RUNX1: variants seen among roughly 807,000 people sequenced by gnomAD.
The protein encoded by RUNX1 is RUNX family transcription factor 1, also known as runt-related transcription factor 1.
Under a neutral mutation model 42.8 loss-of-function variants are expected in RUNX1, and 19 were observed. The observed-to-expected ratio is 0.44, with a 90% CI of 0.31 to 0.65. RUNX1 has a LOEUF of 0.65. Ranked by LOEUF, RUNX1 falls within the 30% of genes least tolerant of loss-of-function variation. The pLI is 0.07. For missense variants in RUNX1, 528 were observed against 672.0 expected (o/e 0.79, Z 2.37); for synonymous variants, 271 against 289.4 (o/e 0.94, Z 0.64).
rs776104661 is a variant in RUNX1 at position 34,887,143 on chromosome 21, A to C, written c.98-47T>G. On this transcript the variant is annotated intron_variant, in intron 3 of 8. Coordinates refer to ENST00000675419, the MANE Select transcript of RUNX1 (RefSeq NM_001754.5). ...CAAGCCGATTGAGTTAGGACCCTGC[A>C]AACAGCTCCTACCAGACGGCGACAG... 14 of 1,596,616 alleles carry C rather than the reference A, an allele frequency of 8.8e-6. No individual in the cohort carries two copies. The African/African-American group carries it at 1.9e-4, about 21-fold the overall frequency.
chr21:34,939,869 CT>C (rs138909207), intron 2 of RUNX1, among the ~76,000 whole-genome samples: 1,581 of 152,024 alleles, frequency 0.01, 25 homozygotes, highest in African/African-American at 0.031. Context: ...TTTTTTCTTC[CT>C]CCCAGACAAG....
chr21:34,832,999 A>G (rs967374461), intron 7 of RUNX1: 3 of 152,222 alleles, frequency 2.0e-5, no homozygotes, highest in Admixed American at 2.0e-4. Flanking sequence ...CCAATCAAGT[A>G]GAAGAACCTT....
At position 34,799,337 on chromosome 21, in the gene RUNX1, T is replaced by C. The variant is rs1418241825; in HGVS notation, c.931A>G (p.Thr311Ala). 6.2e-7 allele frequency: 1 copy of C among 1,614,218 alleles called. No homozygotes were observed. The highest frequency in any genetic ancestry group is 1.7e-5 in the Admixed American group (1 of 60,024). The change falls in exon 8 of 9, where the codon ACA becomes GCA. Residue 311 changes from threonine (T) to alanine (A), a missense_variant. Around this residue, in one of 3 missense-constraint regions of RUNX1, gnomAD observed 331 missense variants for 382.5 expected, o/e 0.87. Coordinates refer to ENST00000675419, the MANE Select transcript of RUNX1 (RefSeq NM_001754.5). ...CTGGAAAGTTCTGCAGAGAGGGTTG[T>C]CATGCCGCTGGCACGTCCAGGTGAA... ...PISPGRASGM[T>A]TLSAELSSRL...
Position 34,792,085 on chromosome 21 carries a change from G to T in RUNX1, c.*50C>A, listed in dbSNP as rs1176085747. The stretch of plus-strand genomic sequence containing the variant: ...TCGCGAACAGGAGGCCCGCGCGCCC[G>T]GAGGCGAAGGCGGCGGCCCGCGGGG... On this transcript the variant is annotated 3_prime_UTR_variant, in exon 9 of 9. Transcript: ENST00000675419. The surrounding 1 kb of genome is among the most constrained non-coding windows in gnomAD (Gnocchi z 6.9). 1 of 1,196,334 alleles carries T rather than the reference G, an allele frequency of 8.4e-7. No homozygotes were observed. Among genetic ancestry groups the T allele is most frequent in the Non-Finnish European group, 1.1e-6 (1 of 931,762 alleles). 74.1% of individuals were successfully genotyped at this position (1,196,334 alleles called of 1,614,324 possible).
chr21:34,859,591 G>A lies in RUNX1; in HGVS notation c.509-13C>T, dbSNP rs774080007. 6.3e-6 allele frequency: 10 copies of A among 1,597,730 alleles called. No individual in the cohort carries two copies. Among genetic ancestry groups the A allele is most frequent in the South Asian group, 1.1e-5 (1 of 90,760 alleles). ...GTGAAGCTTTTCCCTGTGGGGACACGATAGAGAACAAAACAGAATGAGGTT... is the reference window on the plus strand; with the variant it reads ...GTGAAGCTTTTCCCTGTGGGGACACAATAGAGAACAAAACAGAATGAGGTT... On this transcript the variant is annotated splice_polypyrimidine_tract_variant and intron_variant, in intron 5 of 8. Coordinates refer to ENST00000675419, the MANE Select transcript of RUNX1 (RefSeq NM_001754.5).
intron 7 of RUNX1, among the ~76,000 whole-genome samples, chr21:34,829,600 G>A (rs560921644): frequency 1.2e-4 from 18 of 152,258 alleles, no homozygotes; most frequent in Admixed American, 5.2e-4. Context: ...TCATTCACCT[G>A]TCATGTTTAT....
chr21:34,987,624 G>A (rs2058900972), intron 2 of RUNX1, among the ~76,000 whole-genome samples: 1 of 152,064 alleles, frequency 6.6e-6, no homozygotes, highest in Admixed American at 6.5e-5. Flanking sequence ...TGGTTAGGAG[G>A]CCTCCTTTGA....
intron 2 of RUNX1, among the ~76,000 whole-genome samples, chr21:34,949,616 A>C (rs1380872197): frequency 6.6e-6 from 1 of 152,220 alleles, no homozygotes; most frequent in Non-Finnish European, 1.5e-5. Context: ...GTTAATTAAG[A>C]GTAAAACCAC....
chr21:34,849,333 T>A (rs1238498208), intron 6 of RUNX1, among the ~76,000 whole-genome samples: 2 of 29,450 alleles, frequency 6.8e-5, no homozygotes, highest in East Asian at 1.5e-3. Context: ...TTATATATAC[T>A]ATATATATTA....
intron 2 of RUNX1, among the ~76,000 whole-genome samples, chr21:34,894,918 C>T (rs2058117142): frequency 6.9e-6 from 1 of 144,492 alleles, no homozygotes; most frequent in Non-Finnish European, 1.5e-5. Context: ...CACACACACA[C>T]ACACACACAC....
At chr21:34,852,753 G>A (rs1277114388) in intron 6 of RUNX1, among the ~76,000 whole-genome samples, 3 of 152,110 alleles carry the variant, frequency 2.0e-5, no homozygotes, top group African/African-American at 7.2e-5. Context: ...TTCCTGTGTG[G>A]ATCAGGATTG....
intron 8 of RUNX1, among the ~76,000 whole-genome samples, chr21:34,795,838 G>A (rs910258241): frequency 2.0e-4 from 31 of 152,198 alleles, no homozygotes; most frequent in Admixed American, 1.7e-3. Flanking sequence ...TAGAGTCTAC[G>A]GAGAAGCTGG....
rs770530237 is a variant in RUNX1 at position 34,887,054 on chromosome 21, A to T, written c.140T>A (p.Leu47Gln). 6 of 1,600,458 alleles carry T rather than the reference A, an allele frequency of 3.7e-6. No individual in the cohort carries two copies. The highest frequency in any genetic ancestry group is 4.2e-6 in the Non-Finnish European group (5 of 1,179,884). ...CGCCTCGCTCATCTTGCCTGGGCTC[A>T]GCGCGGTGGAAGGCGGCGTGAAGCG... ...SRRFTPPSTA[L>Q]SPGKMSEALP... Residue 47 changes from leucine to glutamine, a missense_variant, in exon 4 of 9, where the codon CTG (leucine) becomes CAG (glutamine). Transcript: ENST00000675419.
intron 2 of RUNX1, among the ~76,000 whole-genome samples, chr21:34,902,329 T>G: frequency 6.6e-6 from 1 of 152,144 alleles, no homozygotes; most frequent in East Asian, 1.9e-4. Flanking sequence ...CTTGGTGAGC[T>G]GGTAGAGCAG....
At chr21:34,805,457 C>A (rs2056666496) in intron 7 of RUNX1, among the ~76,000 whole-genome samples, 2 of 152,104 alleles carry the variant, frequency 1.3e-5, no homozygotes, top group African/African-American at 4.8e-5. Flanking sequence ...AAGAGAAAAT[C>A]TTGAAAGAAG....
intron 2 of RUNX1, among the ~76,000 whole-genome samples, chr21:35,017,995 C>T (rs1417707687): frequency 2.0e-5 from 3 of 151,990 alleles, no homozygotes; most frequent in African/African-American, 4.8e-5. Context: ...GAATTGTGCC[C>T]ATACCCCAAA....
intron 5 of RUNX1, among the ~76,000 whole-genome samples, chr21:34,879,510 C>T (rs2057864073): frequency 6.6e-6 from 1 of 152,010 alleles, no homozygotes; most frequent in Non-Finnish European, 1.5e-5. Flanking sequence ...TTTTAAATGC[C>T]TTTTTAAAGA....
At chr21:34,991,020 C>T (rs1319457064) in intron 2 of RUNX1, among the ~76,000 whole-genome samples, 3 of 152,292 alleles carry the variant, frequency 2.0e-5, no homozygotes, top group East Asian at 1.9e-4. Context: ...CACAAAGAGC[C>T]GTACAGTTCA....
chr21:35,047,754 A>G (rs1188363712), intron 2 of RUNX1, among the ~76,000 whole-genome samples: 1 of 152,144 alleles, frequency 6.6e-6, no homozygotes, highest in Non-Finnish European at 1.5e-5. Flanking sequence ...TGGGTGCTCA[A>G]GAGAGTTTGT....
Sources: allele counts gnomAD v4.1 joint callset (sites outside exome capture counted in the v4.1 genomes callset), GRCh38; gene constraint gnomAD v4.1.1; regional missense constraint gnomAD v4.1.1; non-coding constraint Gnocchi (gnomAD v3.1); transcripts MANE v1.5; gene names NCBI Gene and HGNC (gene_info 2026-07-23, HGNC 2026-07-21).